The following CDH11 variants were observed in gnomAD, a reference collection of about 807,000 sequenced individuals.
CDH11 encodes cadherin-11.
CDH11 carries 11 observed loss-of-function variants against 67.8 expected under a neutral mutation model. That is an observed-to-expected ratio of 0.16 (90% CI 0.10 to 0.27). The LOEUF is 0.27. CDH11 is among the 10% of genes least tolerant of loss of function. The pLI, the probability that CDH11 is intolerant of heterozygous loss-of-function variation, is 1.00. For synonymous variants in CDH11, 419 were observed against 400.0 expected (o/e 1.05, Z -0.57); for missense variants, 847 against 1,031.2 (o/e 0.82, Z 2.45).
chr16:64,980,799 T>C (rs536342851), intron 8 of CDH11, among the ~76,000 whole-genome samples: 1 of 152,218 alleles, frequency 6.6e-6, no homozygotes, highest in African/African-American at 2.4e-5. Flanking sequence ...TCAGGATTCA[T>C]GCAGAGAGGT....
At position 64,991,855 on chromosome 16, in the gene CDH11, C is replaced by T; in HGVS notation, c.724G>A (p.Gly242Ser). 6.2e-7 allele frequency: 1 copy of T among 1,613,884 alleles called. No individual in the cohort carries two copies. The highest frequency in any genetic ancestry group is 8.5e-7 in the Non-Finnish European group (1 of 1,179,818). Residue 242 changes from glycine to serine, a missense_variant, in exon 6 of 13, where the codon GGT (glycine) becomes AGT (serine). Gly to Ser is a moderately conservative substitution (Grantham distance 56, BLOSUM62 0). Transcript: ENST00000268603. ...CCTGAGAGTCCGCCCATATGTCCAC[C>T]CATGTCCTTGGCCTGGATCACCACG... Reference protein sequence around the residue: ...YHVVIQAKDMGGHMGGLSGTT... With the variant: ...YHVVIQAKDMSGHMGGLSGTT...
At chr16:65,021,695 C>A (rs1597102030) in intron 2 of CDH11, among the ~76,000 whole-genome samples, 1 of 150,240 alleles carries the variant, frequency 6.7e-6, no homozygotes, top group East Asian at 2.0e-4. Flanking sequence ...GGACAAATAG[C>A]CAACACCTCT....
At chr16:65,032,339 A>G (rs1460841234) in intron 2 of CDH11, among the ~76,000 whole-genome samples, 1 of 151,666 alleles carries the variant, frequency 6.6e-6, no homozygotes, top group Admixed American at 6.6e-5. Flanking sequence ...AAAAAAAAAA[A>G]AAAATCCAGG....
rs562737183 is a variant in CDH11, at chr16:65,106,431, C to T, written c.-298+15449G>A. 7.9e-4 allele frequency among the ~76,000 whole-genome samples: 120 copies of T among 152,304 alleles called. 1 individual carries two copies. The highest frequency in any genetic ancestry group is 2.8e-3 in the African/African-American group (118 of 41,584). On this transcript the variant is annotated intron_variant, in intron 1 of 12. Coordinates refer to ENST00000268603, the MANE Select transcript of CDH11 (RefSeq NM_001797.4). Reference sequence around the variant, plus strand: ...GCCATCTTGGTCTTTGCTATCACATCTATTCTGAAGACCTGCCTTAGAGTG... The same window carrying T: ...GCCATCTTGGTCTTTGCTATCACATTTATTCTGAAGACCTGCCTTAGAGTG...
chr16:65,037,367 C>A (rs1401478730), intron 2 of CDH11, among the ~76,000 whole-genome samples: 1 of 152,162 alleles, frequency 6.6e-6, no homozygotes, highest in Non-Finnish European at 1.5e-5. Flanking sequence ...TAGCTGTGAC[C>A]TGGACTCCAT....
chr16:64,970,157 T>G (rs192448006), intron 11 of CDH11, among the ~76,000 whole-genome samples: 1 of 152,338 alleles, frequency 6.6e-6, no homozygotes, highest in Admixed American at 6.5e-5. Flanking sequence ...AAGTTCATTA[T>G]AGAAAGCAAG....
At chr16:65,084,019 T>TGCTCCTAA (rs2074654577) in intron 1 of CDH11, among the ~76,000 whole-genome samples, 1 of 152,172 alleles carries the variant, frequency 6.6e-6, no homozygotes, top group Non-Finnish European at 1.5e-5. Flanking sequence ...GATGAGTAGA[T>TGCTCCTAA]ACCAGGGATG....
chr16:64,946,357 A>G lies in CDH11; in HGVS notation c.*1246T>C, dbSNP rs1355767375. 1 of 979,688 alleles carries G rather than the reference A, an allele frequency of 1.0e-6. No homozygotes were observed. Among genetic ancestry groups the G allele is most frequent in the Middle Eastern group, 4.7e-4 (1 of 2,140 alleles). 60.7% of individuals were successfully genotyped at this position (979,688 alleles called of 1,614,324 possible). Reference sequence around the variant, plus strand: ...CTAGTCCCCCAGTTCCCCAGTGCTCAGTGTGGGGCATAGAATGTATACCTG... The same window carrying G: ...CTAGTCCCCCAGTTCCCCAGTGCTCGGTGTGGGGCATAGAATGTATACCTG... On this transcript the variant is annotated 3_prime_UTR_variant, in exon 13 of 13. Coordinates refer to ENST00000268603, the MANE Select transcript of CDH11 (RefSeq NM_001797.4).
chr16:64,949,718 G>A (rs577619957), intron 12 of CDH11, among the ~76,000 whole-genome samples: 18 of 152,194 alleles, frequency 1.2e-4, no homozygotes, highest in South Asian at 4.1e-4. Flanking sequence ...GAGCTACTGC[G>A]CCTGGCCCAT....
intron 2 of CDH11, among the ~76,000 whole-genome samples, chr16:65,040,001 C>T (rs1307168812): frequency 6.6e-6 from 1 of 152,172 alleles, no homozygotes; most frequent in Non-Finnish European, 1.5e-5. Flanking sequence ...ATCAAAACCA[C>T]AATGAGATAC....
At chr16:65,042,725 C>A (rs948581982) in intron 2 of CDH11, among the ~76,000 whole-genome samples, 3 of 152,192 alleles carry the variant, frequency 2.0e-5, no homozygotes, top group Non-Finnish European at 4.4e-5. Flanking sequence ...CAAATTAAAT[C>A]TTGACCTGTC....
chr16:64,977,750 A>T lies in CDH11; in HGVS notation c.1253+4298T>A, dbSNP rs371726124. ...GTCCACGTGACTTTAAAGAAGTCTC[A>T]TCATTGCTCTGAGCCTCACTCTTCC... On this transcript the variant is annotated intron_variant, in intron 8 of 12. Transcript: ENST00000268603. 3.9e-5 allele frequency among the ~76,000 whole-genome samples: 6 copies of T among 152,342 alleles called. No individual in the cohort carries two copies. In the South Asian group the frequency reaches 6.2e-4, roughly 16 times the overall value.
intron 4 of CDH11, among the ~76,000 whole-genome samples, chr16:64,995,007 T>C (rs910327632): frequency 6.6e-6 from 1 of 152,040 alleles, no homozygotes. Context: ...ACCAAGGAGG[T>C]AAATGATCTG....
At chr16:65,115,707 C>CAAAAAAAAAAAAAAAAAA (rs750108148) in intron 1 of CDH11, among the ~76,000 whole-genome samples, 2 of 60,176 alleles carry the variant, frequency 3.3e-5, no homozygotes, top group African/African-American at 6.5e-5. Context: ...AAGGCTACAC[C>CAAAAAAAAAAAAAAAAAA]AAAAAAAAAA....
chr16:65,023,818 G>A (rs776941309), intron 2 of CDH11, among the ~76,000 whole-genome samples: 4 of 152,152 alleles, frequency 2.6e-5, no homozygotes, highest in East Asian at 1.9e-4. Flanking sequence ...ACCAGAGTTC[G>A]CTTTCATTGC....
chr16:65,034,938 C>T (rs2073721614), intron 2 of CDH11, among the ~76,000 whole-genome samples: 1 of 152,202 alleles, frequency 6.6e-6, no homozygotes, highest in Non-Finnish European at 1.5e-5. Context: ...TCCTCATTTC[C>T]TCAAGTCCCC....
chr16:64,946,357 A>ACT lies in CDH11; in HGVS notation c.*1245_*1246insAG. 1.0e-6 allele frequency: 1 copy of ACT among 979,688 alleles called. No homozygotes were observed. Among genetic ancestry groups the ACT allele is most frequent in the Non-Finnish European group, 1.2e-6 (1 of 811,740 alleles). The allele number at this position is 979,688 out of a possible 1,614,324, so 60.7% of individuals were successfully genotyped here. ...CTAGTCCCCCAGTTCCCCAGTGCTC[A>ACT]GTGTGGGGCATAGAATGTATACCTG... On this transcript the variant is annotated 3_prime_UTR_variant, in exon 13 of 13. Transcript: ENST00000268603.
At chr16:65,057,265 C>T (rs2074158737) in intron 1 of CDH11, among the ~76,000 whole-genome samples, 1 of 152,200 alleles carries the variant, frequency 6.6e-6, no homozygotes, top group South Asian at 2.1e-4. Context: ...GGAAACCACA[C>T]TCCAGCCTTG....
At chr16:64,951,083 G>C in intron 11 of CDH11, 65 bp from the exon 12 acceptor site, 1 of 1,527,936 alleles carries the variant, frequency 6.5e-7, no homozygotes, top group Admixed American at 1.8e-5. Flanking sequence ...GCGGCTCTCT[G>C]CTCGGCAGAT....
Sources: gnomAD v4.1 joint callset for allele counts (sites outside exome capture counted in the v4.1 genomes callset) on GRCh38, gnomAD v4.1.1 for gene constraint, MANE v1.5 for transcripts, NCBI Gene and HGNC (gene_info 2026-07-23, HGNC 2026-07-21) for gene names.